The following MSI2 variants were observed in gnomAD, a reference collection of about 807,000 sequenced individuals.
The protein encoded by MSI2 is musashi RNA binding protein 2.
MSI2 carries 17 observed loss-of-function variants against 45.6 expected under a neutral mutation model. The ratio of observed to expected loss-of-function variants is 0.37; its 90% CI spans 0.26 to 0.56. MSI2 has a LOEUF of 0.56. MSI2 is among the 20% of genes least tolerant of loss of function. The pLI is 0.77. For missense variants in MSI2, 293 were observed against 444.2 expected (o/e 0.66, Z 3.06); for synonymous variants, 156 against 158.2 (o/e 0.99, Z 0.11).
At chr17:57,349,178 G>T (rs759904185) in intron 5 of MSI2, among the ~76,000 whole-genome samples, 1 of 152,100 alleles carries the variant, frequency 6.6e-6, no homozygotes, top group African/African-American at 2.4e-5. Flanking sequence ...CTCTCGTCTC[G>T]GAGCCCTTCC....
chr17:57,314,315 A>G (rs1327150479), intron 5 of MSI2, among the ~76,000 whole-genome samples: 1 of 152,148 alleles, frequency 6.6e-6, no homozygotes, highest in Non-Finnish European at 1.5e-5. Flanking sequence ...GGACTTCAAC[A>G]TGATTTTTTC....
chr17:57,507,835 C>T (rs906221303), intron 6 of MSI2, among the ~76,000 whole-genome samples: 1 of 152,124 alleles, frequency 6.6e-6, no homozygotes, highest in Non-Finnish European at 1.5e-5. Context: ...ATTTGTAGGA[C>T]GGGTCTTGTT....
intron 10 of MSI2, among the ~76,000 whole-genome samples, chr17:57,640,314 A>G (rs1454720860): frequency 1.3e-5 from 2 of 152,328 alleles, no homozygotes; most frequent in South Asian, 4.1e-4. Context: ...TTAAGCTCGC[A>G]CTTCAGATAA....
intron 6 of MSI2, among the ~76,000 whole-genome samples, chr17:57,435,546 C>G (rs577403294): frequency 2.3e-4 from 35 of 152,344 alleles, no homozygotes; most frequent in African/African-American, 7.5e-4. Flanking sequence ...CAAAGGTGAT[C>G]TGGCTTTAAT....
rs776651463 is a variant in MSI2, at chr17:57,529,753, C to T, written c.454+29C>T. 5 of 1,585,060 alleles carry T rather than the reference C, an allele frequency of 3.2e-6. No individual in the cohort carries two copies. The highest frequency in any genetic ancestry group is 1.7e-5 in the Admixed American group (1 of 57,220). On this transcript the variant is annotated intron_variant, in intron 7 of 13. Coordinates refer to ENST00000284073, the MANE Select transcript of MSI2 (RefSeq NM_138962.4). The surrounding 1 kb of genome is among the most constrained non-coding windows in gnomAD (Gnocchi z 5.3). ...AGATTACCCCAGTGTAAGAGGGTTG[C>T]GTTCACCCTCTCCTGGCCTCTCTGT...
chr17:57,393,567 G>A (rs894757533), intron 5 of MSI2, among the ~76,000 whole-genome samples: 4 of 152,306 alleles, frequency 2.6e-5, no homozygotes, highest in African/African-American at 9.6e-5. Context: ...GGCTGTTGCT[G>A]CCATGAACAC....
chr17:57,380,879 C>T (rs933934169), intron 5 of MSI2, among the ~76,000 whole-genome samples: 3 of 152,154 alleles, frequency 2.0e-5, no homozygotes, highest in African/African-American at 7.2e-5. Context: ...AGTTATCCTT[C>T]TGGCTTTCTC....
rs59098048 is a variant in MSI2 at position 57,410,008 on chromosome 17, C to CAAAAAAAAAAAAAAAAAAAAAAAAAAAA, written c.405+8554_405+8555insAAAAAAAAAAAAAAAAAAAAAAAAAAAA. Among the ~76,000 whole-genome samples, 7 of 61,650 alleles carry CAAAAAAAAAAAAAAAAAAAAAAAAAAAA rather than the reference C, an allele frequency of 1.1e-4. 1 individual carries two copies. The highest frequency in any genetic ancestry group is 1.5e-4 in the Non-Finnish European group (5 of 33,736). The allele number at this position is 61,650 out of a possible 152,430, so 40.4% of individuals were successfully genotyped here. On this transcript the variant is annotated intron_variant, in intron 6 of 13. Coordinates refer to ENST00000284073, the MANE Select transcript of MSI2 (RefSeq NM_138962.4). ...GGGTGACAGTGTGAGACTCTGTCTC[C>CAAAAAAAAAAAAAAAAAAAAAAAAAAAA]AAAAAAAAAAAAAAAAATGGGGAGT... is the stretch of plus-strand genomic sequence containing the variant.
In MSI2 at chr17:57,510,597, T is replaced by C. The variant is rs150619983; in HGVS notation, c.406-19079T>C. Among the ~76,000 whole-genome samples the C allele has an allele frequency of 7.5e-3, 1,138 of 151,740 alleles. 29 individuals are homozygous for C. The highest frequency in any genetic ancestry group is 0.026 in the African/African-American group (1,068 of 41,220). On this transcript the variant is annotated intron_variant, in intron 6 of 13. Coordinates refer to ENST00000284073, the MANE Select transcript of MSI2 (RefSeq NM_138962.4). ...TGTGTGCCACCACGCCCGGCTAATT[T>C]CTGTATTATTAGTAGAGACAGGGTT...
chr17:57,408,636 C>G (rs1368513425), intron 6 of MSI2, among the ~76,000 whole-genome samples: 1 of 151,016 alleles, frequency 6.6e-6, no homozygotes, highest in East Asian at 2.0e-4. Context: ...AGCTCACCTT[C>G]CCAGAGTCCT....
rs1205067007 is a variant in MSI2 at position 57,280,201 on chromosome 17, G to A, written c.312+18009G>A. ...CAGGCGAGGTCACACTTGCGTTGGC[G>A]GGGATAAAAATTCTTATCTTAGGAG... is the stretch of plus-strand genomic sequence containing the variant. On this transcript the variant is annotated intron_variant, in intron 5 of 13. Coordinates refer to ENST00000284073, the MANE Select transcript of MSI2 (RefSeq NM_138962.4). This position sits in a 1 kb window ranked among gnomAD's most constrained non-coding sequence, Gnocchi z 4.2. Among the ~76,000 whole-genome samples the A allele has an allele frequency of 2.0e-5, 3 of 152,036 alleles. No individual in the cohort carries two copies. The highest frequency in any genetic ancestry group is 6.6e-5 in the Admixed American group (1 of 15,262).
chr17:57,272,888 A>G (rs1908501104), intron 5 of MSI2, among the ~76,000 whole-genome samples: 1 of 152,222 alleles, frequency 6.6e-6, no homozygotes, highest in Admixed American at 6.5e-5. Context: ...GTGGAAACAC[A>G]GTGTGTATTT....
chr17:57,616,160 A>T (rs1907669129), intron 9 of MSI2, 76 bp downstream of exon 9: 1 of 1,063,614 alleles, frequency 9.4e-7, no homozygotes, highest in African/African-American at 1.6e-5. Flanking sequence ...TGGGTCACCT[A>T]CCAGTGGGGC....
At chr17:57,609,431 C>G (rs1907006437) in intron 8 of MSI2, among the ~76,000 whole-genome samples, 1 of 152,200 alleles carries the variant, frequency 6.6e-6, no homozygotes, top group Admixed American at 6.5e-5. Context: ...ATAGGCCTCT[C>G]CCTCTGGAGG....
intron 5 of MSI2, among the ~76,000 whole-genome samples, chr17:57,319,527 G>A (rs906032966): frequency 6.6e-6 from 1 of 152,220 alleles, no homozygotes; most frequent in African/African-American, 2.4e-5. Flanking sequence ...AAATATGGTA[G>A]AGACTTTTGA....
Position 57,367,151 on chromosome 17 carries a change from C to T in MSI2, c.313-34228C>T, listed in dbSNP as rs186216270. 1.0e-3 allele frequency among the ~76,000 whole-genome samples: 156 copies of T among 152,292 alleles called. 1 individual carries two copies. Among genetic ancestry groups the T allele is most frequent in the African/African-American group, 3.7e-3 (155 of 41,560 alleles). The stretch of plus-strand genomic sequence containing the variant: ...GCCCTGAAGGGGAAGAATGAGGCAG[C>T]ATTTTGGTATGAAAATGACATTTCC... On this transcript the variant is annotated intron_variant, in intron 5 of 13. Transcript: ENST00000284073.
At chr17:57,429,052 C>T (rs1284871954) in intron 6 of MSI2, among the ~76,000 whole-genome samples, 3 of 152,156 alleles carry the variant, frequency 2.0e-5, no homozygotes, top group Admixed American at 2.0e-4. Context: ...ATCCTTAGTG[C>T]CCTCAAGACC....
At chr17:57,551,559 C>T in intron 7 of MSI2, among the ~76,000 whole-genome samples, 1 of 152,116 alleles carries the variant, frequency 6.6e-6, no homozygotes, top group East Asian at 1.9e-4. Context: ...ATGACGTCTG[C>T]CGAGCCCCAG....
At chr17:57,397,828 A>G (rs1360766188) in intron 5 of MSI2, among the ~76,000 whole-genome samples, 2 of 152,182 alleles carry the variant, frequency 1.3e-5, no homozygotes, top group Non-Finnish European at 1.5e-5. Flanking sequence ...AGGGTTGCCC[A>G]TGTTTCCACT....
Sources: gnomAD v4.1 joint callset for allele counts (sites outside exome capture counted in the v4.1 genomes callset) on GRCh38, gnomAD v4.1.1 for gene constraint, Gnocchi (gnomAD v3.1) non-coding constraint, MANE v1.5 for transcripts, NCBI Gene and HGNC (gene_info 2026-07-23, HGNC 2026-07-21) for gene names.